CDH18: variants seen among roughly 807,000 people sequenced by gnomAD.
CDH18 encodes cadherin 18.
Under a neutral mutation model 67.9 loss-of-function variants are expected in CDH18, and 31 were observed. The observed-to-expected ratio is 0.46, with a 90% CI of 0.34 to 0.62. The LOEUF (loss-of-function observed/expected upper bound fraction) is 0.62, where lower values mean the gene tolerates loss of function less well. Ranked by LOEUF, CDH18 falls within the 20% of genes least tolerant of loss-of-function variation. CDH18 has a pLI of 0.01. For missense variants in CDH18, 890 were observed against 975.5 expected, an observed-to-expected ratio of 0.91 and a Z score of 1.17; for synonymous variants, 362 against 347.2, an observed-to-expected ratio of 1.04 and a Z score of -0.48.
chr5:20,388,478 G>C (rs953169696), intron 1 of CDH18, among the ~76,000 whole-genome samples: 1 of 151,556 alleles, frequency 6.6e-6, no homozygotes, highest in Non-Finnish European at 1.5e-5. Flanking sequence ...TATTAGTCTT[G>C]CTAGTGGTCT....
intron 5 of CDH18, among the ~76,000 whole-genome samples, chr5:19,640,785 TAG>T (rs1420097058): frequency 1.3e-5 from 2 of 151,268 alleles, no homozygotes; most frequent in Non-Finnish European, 3.0e-5. Context: ...CTCAAGAAAC[TAG>T]AGAGAGTAAA....
At chr5:19,540,304 C>T (rs1448660797) in intron 9 of CDH18, among the ~76,000 whole-genome samples, 2 of 152,214 alleles carry the variant, frequency 1.3e-5, no homozygotes, top group East Asian at 3.9e-4. Context: ...TGTGGCTTTG[C>T]AGGGTACAAG....
At chr5:20,302,932 G>A (rs1736075551) in intron 1 of CDH18, among the ~76,000 whole-genome samples, 1 of 152,184 alleles carries the variant, frequency 6.6e-6, no homozygotes, top group African/African-American at 2.4e-5. Flanking sequence ...CTGGAGAAGT[G>A]ACATGGATAT....
chr5:19,998,353 T>C (rs1246627793), intron 2 of CDH18, among the ~76,000 whole-genome samples: 1 of 152,116 alleles, frequency 6.6e-6, no homozygotes, highest in Non-Finnish European at 1.5e-5. Context: ...TGGAAATGGA[T>C]GGGTGTGATG....
chr5:20,456,615 T>C (rs950987375), intron 1 of CDH18, among the ~76,000 whole-genome samples: 1 of 152,170 alleles, frequency 6.6e-6, no homozygotes, highest in Non-Finnish European at 1.5e-5. Context: ...ACAGTATAAA[T>C]GGAATTTTCA....
At chr5:19,482,266 C>A (rs1739559181) in intron 12 of CDH18, among the ~76,000 whole-genome samples, 2 of 152,140 alleles carry the variant, frequency 1.3e-5, no homozygotes, top group South Asian at 4.1e-4. Context: ...CAGGTGCCTG[C>A]CACCACCCCT....
intron 1 of CDH18, among the ~76,000 whole-genome samples, chr5:20,415,375 A>G (rs1246541521): frequency 2.0e-5 from 3 of 151,762 alleles, no homozygotes; most frequent in Non-Finnish European, 4.4e-5. Context: ...AAAAAATAAA[A>G]TTAAAACCAG....
chr5:19,605,826 T>C (rs999208236), intron 6 of CDH18, among the ~76,000 whole-genome samples: 1 of 151,972 alleles, frequency 6.6e-6, no homozygotes, highest in African/African-American at 2.4e-5. Flanking sequence ...TGGAGACAGG[T>C]TGGAGTTCAG....
chr5:20,066,643 G>A (rs1743001713), intron 2 of CDH18, among the ~76,000 whole-genome samples: 1 of 151,816 alleles, frequency 6.6e-6, no homozygotes, highest in Non-Finnish European at 1.5e-5. Flanking sequence ...CATGTCCAGT[G>A]AACAAATATA....
intron 3 of CDH18, among the ~76,000 whole-genome samples, chr5:19,775,428 A>ACTGTGGATGCGGAATCTGCTT (rs1774248572): frequency 6.6e-6 from 1 of 152,076 alleles, no homozygotes; most frequent in African/African-American, 2.4e-5. Context: ...GGAATCTGTT[A>ACTGTGGATGCGGAATCTGCTT]CTGTGGATGC....
At chr5:20,179,112 TAGAGG>T (rs1300344125) in intron 2 of CDH18, among the ~76,000 whole-genome samples, 1 of 152,128 alleles carries the variant, frequency 6.6e-6, no homozygotes, top group Non-Finnish European at 1.5e-5. Flanking sequence ...TTATGTACGT[TAGAGG>T]AAAGTGAATT....
At chr5:19,738,506 T>C (rs1768656543) in intron 4 of CDH18, among the ~76,000 whole-genome samples, 2 of 152,184 alleles carry the variant, frequency 1.3e-5, no homozygotes, top group Admixed American at 1.3e-4. Context: ...GTTTTCTACA[T>C]TGAGGCCTAT....
In CDH18 at chr5:19,733,101, A is replaced by G. The variant is rs76926335; in HGVS notation, c.524-11635T>C. Among the ~76,000 whole-genome samples the G allele has an allele frequency of 7.9e-5, 12 of 152,246 alleles. No homozygotes were observed. In the East Asian group the frequency reaches 2.3e-3, roughly 30 times the overall value. On this transcript the variant is annotated intron_variant, in intron 4 of 12. Coordinates refer to ENST00000382275, the MANE Select transcript of CDH18 (RefSeq NM_004934.5). ...CAGAGGAGGAAATGACACAGGCAGGAGGCAGAGAAATCCTAGGCATACCAG... is the reference window on the plus strand; with the variant it reads ...CAGAGGAGGAAATGACACAGGCAGGGGGCAGAGAAATCCTAGGCATACCAG...
At chr5:19,842,889 C>T (rs1288850690) in intron 2 of CDH18, among the ~76,000 whole-genome samples, 1 of 152,116 alleles carries the variant, frequency 6.6e-6, no homozygotes, top group Non-Finnish European at 1.5e-5. Context: ...GAAAAGGTCA[C>T]TCTTGCTATG....
chr5:20,203,603 T>C (rs1413089605), intron 2 of CDH18, among the ~76,000 whole-genome samples: 6 of 69,984 alleles, frequency 8.6e-5, no homozygotes, highest in Non-Finnish European at 1.6e-4. Flanking sequence ...GAGAGAGAAA[T>C]TCAACAGGTA....
chr5:20,475,933 A>C (rs1399496590), intron 1 of CDH18, among the ~76,000 whole-genome samples: 1 of 152,206 alleles, frequency 6.6e-6, no homozygotes, highest in African/African-American at 2.4e-5. Context: ...ATGTGTCTGC[A>C]GTCATTCAAG....
rs1254416362 is a variant in CDH18 at position 19,963,535 on chromosome 5, C to T, written c.-257+17525G>A. On this transcript the variant is annotated intron_variant, in intron 2 of 12. Coordinates refer to ENST00000382275, the MANE Select transcript of CDH18 (RefSeq NM_004934.5). ...GATAGTGAGTGAGTTCTCGTGAGAT[C>T]TGTTGGTTGTATAAAGGGCTTTTTC... Among the ~76,000 whole-genome samples, 10 of 152,012 alleles carry T rather than the reference C, an allele frequency of 6.6e-5. No homozygotes were observed. The South Asian group carries it at 2.1e-3, about 32-fold the overall frequency.
At chr5:19,776,615 G>A (rs781213745) in intron 3 of CDH18, among the ~76,000 whole-genome samples, 5 of 152,132 alleles carry the variant, frequency 3.3e-5, no homozygotes, top group Non-Finnish European at 7.4e-5. Flanking sequence ...TTGACAGTGG[G>A]TTGTTTTAGA....
chr5:19,916,540 T>C lies in CDH18; in HGVS notation c.-257+64520A>G, dbSNP rs143553025. 2.6e-4 allele frequency among the ~76,000 whole-genome samples: 39 copies of C among 152,278 alleles called. No individual in the cohort carries two copies. In the East Asian group the frequency reaches 7.3e-3, roughly 29 times the overall value. On this transcript the variant is annotated intron_variant, in intron 2 of 12. Coordinates refer to ENST00000382275, the MANE Select transcript of CDH18 (RefSeq NM_004934.5). Reference sequence around the variant, plus strand: ...GCACATCTCTATTGCCTTCCAAATATTGTTTACATTTCATTTTCTGTGTCT... The same window carrying C: ...GCACATCTCTATTGCCTTCCAAATACTGTTTACATTTCATTTTCTGTGTCT...
Sources: gnomAD v4.1 joint callset for allele counts (sites outside exome capture counted in the v4.1 genomes callset) on GRCh38, gnomAD v4.1.1 for gene constraint, MANE v1.5 for transcripts, NCBI Gene and HGNC (gene_info 2026-07-23, HGNC 2026-07-21) for gene names.